DUOX2: variants seen among roughly 807,000 people sequenced by gnomAD.
The protein encoded by DUOX2 is dual oxidase 2.
Under a neutral mutation model 183.3 loss-of-function variants are expected in DUOX2, and 185 were observed. That is an observed-to-expected ratio of 1.01 (90% CI 0.90 to 1.14). The LOEUF is 1.14. Ranked by LOEUF, DUOX2 falls within the 50% of genes most tolerant of loss-of-function variation. The probability of loss-of-function intolerance (pLI) is 0.00; values close to 1 mark genes in which losing one functional copy is unlikely to be tolerated. For missense variants in DUOX2, 1,999 were observed against 2,022.9 expected, an observed-to-expected ratio of 0.99 and a Z score of 0.23; for synonymous variants, 788 against 812.4, an observed-to-expected ratio of 0.97 and a Z score of 0.51.
At chr15:45,112,759 C>A (rs770611941) in intron 3 of DUOX2, 41 bp from the exon 4 acceptor site, 1 of 1,607,156 alleles carries the variant, frequency 6.2e-7, no homozygotes, top group South Asian at 1.1e-5. Flanking sequence ...AGCACTCCAT[C>A]CCCTAGGATC....
At chr15:45,109,851 C>A in intron 10 of DUOX2, 39 bp downstream of exon 10, 1 of 1,591,240 alleles carries the variant, frequency 6.3e-7, no homozygotes, top group South Asian at 1.1e-5. Context: ...AAGAGACTGA[C>A]CTTGACCCAT....
Position 45,099,770 on chromosome 15 carries a change from G to A in DUOX2, c.3307C>T (p.Arg1103Cys), listed in dbSNP as rs144923217. 1.2e-4 allele frequency: 189 copies of A among 1,614,058 alleles called. No individual in the cohort carries two copies. The highest frequency in any genetic ancestry group is 2.5e-4 in the African/African-American group (19 of 74,902). The change falls in exon 25 of 34, where the codon CGC becomes TGC. Residue 1103 changes from arginine to cysteine, a missense_variant. By Grantham distance (180) the Arg-to-Cys change is radical. Around this residue, in one of 3 missense-constraint regions of DUOX2, gnomAD observed 1,628 missense variants for 1,608.6 expected, o/e 1.01. Transcript: ENST00000389039. ...TCTCGCAGGAAGGTTATGAGGTTGC[G>A]GCACATGGTGAGCAAGATATAAGAG... The part of the protein sequence containing the change: ...MFSYILLTMC[R>C]NLITFLRETF...
At chr15:45,102,321 C>T (rs116562151) in intron 20 of DUOX2, among the ~76,000 whole-genome samples, 1 of 152,334 alleles carries the variant, frequency 6.6e-6, no homozygotes, top group East Asian at 1.9e-4. Context: ...TGTCCACTCT[C>T]TTCTGTTGAT....
intron 32 of DUOX2, 34 bp downstream of exon 32, chr15:45,094,902 G>A (rs778319917): frequency 1.3e-5 from 21 of 1,612,280 alleles, no homozygotes; most frequent in Non-Finnish European, 1.8e-5. Context: ...CCATCTGCCC[G>A]CCAAGTTGCC....
Position 45,092,774 on chromosome 15 carries a change from A to G in DUOX2, c.*1376T>C, listed in dbSNP as rs1235357823. ...CTCTACAATAGAATACTACTCAGCAATGAAAAGGAACAAACTGCTGATACA... is the reference window on the plus strand; with the variant it reads ...CTCTACAATAGAATACTACTCAGCAGTGAAAAGGAACAAACTGCTGATACA... On this transcript the variant is annotated 3_prime_UTR_variant, in exon 34 of 34. Coordinates refer to ENST00000389039, the MANE Select transcript of DUOX2 (RefSeq NM_001363711.2). 1 of 152,256 alleles carries G rather than the reference A, an allele frequency of 6.6e-6. No individual in the cohort carries two copies. 9.4% of individuals were successfully genotyped at this position (152,256 alleles called of 1,614,324 possible). A position where few individuals can be genotyped will look rare whatever the true frequency, so the allele number is the denominator to read the frequency against.
Position 45,111,541 on chromosome 15 carries a change from G to A in DUOX2, c.558C>T (p.Gly186=), listed in dbSNP as rs2467830. 9.2e-4 allele frequency: 1,431 copies of A among 1,548,386 alleles called. 23 individuals are homozygous for A. The South Asian group carries it at 9.6e-3, about 10-fold the overall frequency. ...TGWLDGSAIY[G]SSHSWSDALR... Reference sequence around the variant, plus strand: ...GCGCGTCGCTCCAGGAGTGCGAGGAGCCATAGATGGCGCTGCCGTCCAGCC... The same window carrying A: ...GCGCGTCGCTCCAGGAGTGCGAGGAACCATAGATGGCGCTGCCGTCCAGCC... Residue 186 remains glycine, a synonymous_variant, in exon 6 of 34, where the codon GGC becomes GGT. Transcript: ENST00000389039.
chr15:45,113,123 C>A (rs1894495209), intron 2 of DUOX2, 47 bp from the exon 3 acceptor site: 1 of 1,584,168 alleles, frequency 6.3e-7, no homozygotes, highest in Non-Finnish European at 8.6e-7. Context: ...TCCCAGCTAC[C>A]CCTCCCGAGC....
chr15:45,104,733 T>C (rs539209095), intron 18 of DUOX2, among the ~76,000 whole-genome samples: 2 of 152,370 alleles, frequency 1.3e-5, no homozygotes, highest in East Asian at 3.9e-4. Flanking sequence ...GGCTGTGCTC[T>C]CTTGCCAATT....
intron 20 of DUOX2, among the ~76,000 whole-genome samples, chr15:45,102,345 C>A (rs1197266575): frequency 3.3e-5 from 5 of 152,198 alleles, no homozygotes; most frequent in Non-Finnish European, 5.9e-5. Context: ...TCCCACATCA[C>A]CCCTGGATTC....
rs1595526783 is a variant in DUOX2 at position 45,108,790 on chromosome 15, T to A, written c.1397A>T (p.Gln466Leu). 1.2e-6 allele frequency: 2 copies of A among 1,614,238 alleles called. No individual in the cohort carries two copies. The highest frequency in any genetic ancestry group is 4.5e-5 in the East Asian group (2 of 44,892). Residue 466 changes from glutamine (Q) to leucine (L), a missense_variant and splice_region_variant, in exon 12 of 34, where the codon CAG becomes CTG. Physicochemically the swap from Gln to Leu is moderately radical, Grantham distance 113. Transcript: ENST00000389039. The stretch of plus-strand genomic sequence containing the variant: ...ATTATTATCATTACTATTCCTGACC[T>A]GGGGGTCCACATTAGGGTTGAGATC... Reference protein sequence around the residue: ...WSDLNPNVDPQVLEATAALYN... With the variant: ...WSDLNPNVDPLVLEATAALYN...
intron 32 of DUOX2, 83 bp from the exon 33 acceptor site, chr15:45,094,774 A>C: frequency 1.2e-6 from 2 of 1,601,872 alleles, no homozygotes; most frequent in Non-Finnish European, 1.7e-6. Context: ...CAAGAGACAG[A>C]GAATGGGGAG....
chr15:45,113,307 G>A (rs1447080535), intron 2 of DUOX2, 35 bp downstream of exon 2: 2 of 1,551,246 alleles, frequency 1.3e-6, no homozygotes, highest in Non-Finnish European at 1.7e-6. Context: ...GGGATCCTGG[G>A]GAACACCCCG....
Position 45,094,014 on chromosome 15 carries a change from T to G in DUOX2, c.*136A>C. On this transcript the variant is annotated 3_prime_UTR_variant, in exon 34 of 34. Transcript: ENST00000389039. ...ATTGTCTGGGTCAATATTCTCCCAATATTGGGAGGGGCTCTGCAGCCCTCC... is the reference window on the plus strand; with the variant it reads ...ATTGTCTGGGTCAATATTCTCCCAAGATTGGGAGGGGCTCTGCAGCCCTCC... 1 of 1,158,104 alleles carries G rather than the reference T, an allele frequency of 8.6e-7. No individual in the cohort carries two copies. The highest frequency in any genetic ancestry group is 1.3e-6 in the Non-Finnish European group (1 of 778,204). 71.7% of individuals were successfully genotyped at this position (1,158,104 alleles called of 1,614,324 possible).
intron 20 of DUOX2, among the ~76,000 whole-genome samples, chr15:45,102,318 T>A (rs1595522787): frequency 6.6e-6 from 1 of 152,184 alleles, no homozygotes; most frequent in East Asian, 1.9e-4. Context: ...CTCTGTCCAC[T>A]CTCTTCTGTT....
chr15:45,098,154 G>T, intron 26 of DUOX2, 96 bp from the exon 27 acceptor site: 1 of 1,249,882 alleles, frequency 8.0e-7, no homozygotes, highest in Non-Finnish European at 1.2e-6. Flanking sequence ...GGCCCTGACT[G>T]CTGAGGGTAT....
At position 45,109,533 on chromosome 15, in the gene DUOX2, C is replaced by T. The variant is rs753955338; in HGVS notation, c.1225G>A (p.Asp409Asn). 6.2e-7 allele frequency: 1 copy of T among 1,614,134 alleles called. No individual in the cohort carries two copies. Among genetic ancestry groups the T allele is most frequent in the Admixed American group, 1.7e-5 (1 of 60,012 alleles). Reference protein sequence around the residue: ...SELEDNIVVEDLRDYWPGPGK... With the variant: ...SELEDNIVVENLRDYWPGPGK... The stretch of plus-strand genomic sequence containing the variant: ...CTGGCTCTGAGCTCACCCCTCAGAT[C>T]TTCAACCACTATGTTGTCCTCCAAC... The change falls in exon 11 of 34, where the codon GAT (aspartate) becomes AAT (asparagine). Residue 409 changes from aspartate to asparagine, a missense_variant. This residue lies in a region of DUOX2 where 1,628 missense variants were observed against 1,608.6 expected (regional missense o/e 1.01). Transcript: ENST00000389039.
intron 2 of DUOX2, 109 bp downstream of exon 2, chr15:45,113,233 A>G: frequency 6.8e-7 from 1 of 1,461,748 alleles, no homozygotes; most frequent in Admixed American, 2.0e-5. Flanking sequence ...GCTGAGCTGC[A>G]CGGCGAAATG....
In DUOX2 at chr15:45,105,834, T is replaced by G. The variant is rs1334981817; in HGVS notation, c.2149-6A>C. 1.9e-6 allele frequency: 3 copies of G among 1,613,720 alleles called. No homozygotes were observed. Among genetic ancestry groups the G allele is most frequent in the Non-Finnish European group, 1.7e-6 (2 of 1,179,968 alleles). The stretch of plus-strand genomic sequence containing the variant: ...TCAGAACTAAACAGCAGCACCTGGG[T>G]GGGAGGAAGGCGGCACTGACGCAGG... On this transcript the variant is annotated splice_region_variant and splice_polypyrimidine_tract_variant and intron_variant, in intron 17 of 33. Coordinates refer to ENST00000389039, the MANE Select transcript of DUOX2 (RefSeq NM_001363711.2).
chr15:45,100,258 T>A, intron 23 of DUOX2, 30 bp from the exon 24 acceptor site: 7 of 1,604,528 alleles, frequency 4.4e-6, no homozygotes, highest in Non-Finnish European at 6.0e-6. Flanking sequence ...GGCAGCAGTG[T>A]GGTAAGGGCC....
Sources: allele counts gnomAD v4.1 joint callset (sites outside exome capture counted in the v4.1 genomes callset), GRCh38; gene constraint gnomAD v4.1.1; regional missense constraint gnomAD v4.1.1; transcripts MANE v1.5; gene names NCBI Gene and HGNC (gene_info 2026-07-23, HGNC 2026-07-21).